The following CYP2C19 variants were observed in gnomAD, a reference collection of about 807,000 sequenced individuals.
CYP2C19 encodes the protein cytochrome P450 2C19.
CYP2C19 carries 59 observed loss-of-function variants against 40.9 expected under a neutral mutation model. The observed-to-expected ratio is 1.44, with a 90% CI of 1.17 to 1.79. The LOEUF (loss-of-function observed/expected upper bound fraction) is 1.79, where lower values mean the gene tolerates loss of function less well. Ranked by LOEUF, CYP2C19 falls within the 40% of genes most tolerant of loss-of-function variation. The probability of loss-of-function intolerance (pLI) is 0.00; values close to 1 mark genes in which losing one functional copy is unlikely to be tolerated. For missense variants in CYP2C19, 754 were observed against 596.9 expected, an observed-to-expected ratio of 1.26 and a Z score of -2.74; for synonymous variants, 253 against 208.7, an observed-to-expected ratio of 1.21 and a Z score of -1.83.
intron 5 of CYP2C19, among the ~76,000 whole-genome samples, chr10:94,812,664 T>C (rs1182592843): frequency 6.6e-6 from 1 of 152,172 alleles, no homozygotes; most frequent in African/African-American, 2.4e-5. Context: ...GCTTTATCAA[T>C]TTGGCTATTG....
chr10:94,842,752 C>T, intron 6 of CYP2C19, 85 bp from the exon 7 acceptor site: 1 of 1,393,784 alleles, frequency 7.2e-7, no homozygotes, highest in Non-Finnish European at 1.0e-6. Flanking sequence ...TGGATACCTT[C>T]ATCATGATTC....
At chr10:94,765,854 T>C (rs1189372270) in intron 1 of CYP2C19, among the ~76,000 whole-genome samples, 1 of 152,056 alleles carries the variant, frequency 6.6e-6, no homozygotes, top group Non-Finnish European at 1.5e-5. Flanking sequence ...ATTACACTGA[T>C]GGGGTAGTAG....
intron 1 of CYP2C19, among the ~76,000 whole-genome samples, chr10:94,772,115 C>T (rs559376463): frequency 6.6e-6 from 1 of 152,108 alleles, no homozygotes; most frequent in Non-Finnish European, 1.5e-5. Flanking sequence ...GAGGGCCATA[C>T]CCTGAGGGAG....
At chr10:94,763,292 T>C (rs1200531979) in intron 1 of CYP2C19, among the ~76,000 whole-genome samples, 1 of 152,118 alleles carries the variant, frequency 6.6e-6, no homozygotes, top group Non-Finnish European at 1.5e-5. Flanking sequence ...GAAGAAATAA[T>C]TTATGCCTGT....
intron 1 of CYP2C19, among the ~76,000 whole-genome samples, chr10:94,773,309 A>G (rs1327132885): frequency 6.6e-6 from 1 of 152,190 alleles, no homozygotes; most frequent in Non-Finnish European, 1.5e-5. Context: ...TGAGTGTTAC[A>G]GTTCTTAAAG....
In CYP2C19 at chr10:94,780,498, G is replaced by T. The variant is rs1194178489; in HGVS notation, c.482-1G>T. 1.2e-6 allele frequency: 2 copies of T among 1,612,864 alleles called. No individual in the cohort carries two copies. Among genetic ancestry groups the T allele is most frequent in the African/African-American group, 1.3e-5 (1 of 74,852 alleles). On this transcript the variant is annotated splice_acceptor_variant, in intron 3 of 8. Coordinates refer to ENST00000371321, the MANE Select transcript of CYP2C19 (RefSeq NM_000769.4). LOFTEE classifies it high-confidence loss of function. ...TTTTAAAATTGTTTCCAATCATTTAGCTTCACCCTGTGATCCCACTTTCAT... is the reference window on the plus strand; with the variant it reads ...TTTTAAAATTGTTTCCAATCATTTATCTTCACCCTGTGATCCCACTTTCAT...
At chr10:94,815,591 C>T (rs1031682449) in intron 5 of CYP2C19, among the ~76,000 whole-genome samples, 1 of 152,220 alleles carries the variant, frequency 6.6e-6, no homozygotes, top group South Asian at 2.1e-4. Context: ...CCCTTACTCT[C>T]TCTTTTATTC....
At chr10:94,811,357 G>A (rs546963442) in intron 5 of CYP2C19, among the ~76,000 whole-genome samples, 9 of 152,244 alleles carry the variant, frequency 5.9e-5, no homozygotes, top group African/African-American at 2.2e-4. Context: ...TGTATATTCT[G>A]TTGATTTAGG....
intron 6 of CYP2C19, among the ~76,000 whole-genome samples, chr10:94,839,114 A>G (rs1043944483): frequency 1.3e-5 from 2 of 152,168 alleles, no homozygotes; most frequent in Non-Finnish European, 2.9e-5. Context: ...TATGGTCCTA[A>G]TGCTTATTCC....
rs576925695 is a variant in CYP2C19, at chr10:94,827,271, G to A, written c.961+6634G>A. Among the ~76,000 whole-genome samples the A allele has an allele frequency of 1.6e-3, 241 of 152,070 alleles. 1 individual carries two copies. Among genetic ancestry groups the A allele is most frequent in the Non-Finnish European group, 2.7e-3 (187 of 68,018 alleles). On this transcript the variant is annotated intron_variant, in intron 6 of 8. Coordinates refer to ENST00000371321, the MANE Select transcript of CYP2C19 (RefSeq NM_000769.4). The stretch of plus-strand genomic sequence containing the variant: ...CCTCCTTGTACCTCTGGTAGAATTC[G>A]GCTGTGAATCCGTCTGGTCCTGGAC...
intron 5 of CYP2C19, among the ~76,000 whole-genome samples, chr10:94,792,789 T>C (rs1039593134): frequency 1.3e-5 from 2 of 152,186 alleles, no homozygotes; most frequent in African/African-American, 4.8e-5. Flanking sequence ...CCTAAATATT[T>C]ATTCCTTCAT....
intron 1 of CYP2C19, chr10:94,774,577 TGATG>T: frequency 1.2e-5 from 2 of 171,564 alleles, no homozygotes; most frequent in Admixed American, 5.5e-5. Flanking sequence ...ATAAATGCTA[TGATG>T]CATGCTAATC....
chr10:94,854,298 C>T lies in CYP2C19; in HGVS notation c.*1384C>T, dbSNP rs1849700848. Reference sequence around the variant, plus strand: ...CCTCCCAAACTGCTGGGCTTACAGGCGTGAGCCACTGCACCTGGCTGAACA... The same window carrying T: ...CCTCCCAAACTGCTGGGCTTACAGGTGTGAGCCACTGCACCTGGCTGAACA... On this transcript the variant is annotated 3_prime_UTR_variant, in exon 9 of 9. Transcript: ENST00000371321. Among the ~76,000 whole-genome samples, 1 of 152,080 alleles carries T rather than the reference C, an allele frequency of 6.6e-6. No individual in the cohort carries two copies. Among genetic ancestry groups the T allele is most frequent in the Non-Finnish European group, 1.5e-5 (1 of 68,018 alleles).
At chr10:94,768,496 C>G (rs370416512) in intron 1 of CYP2C19, among the ~76,000 whole-genome samples, 1 of 152,098 alleles carries the variant, frequency 6.6e-6, no homozygotes, top group Admixed American at 6.5e-5. Context: ...GGGGCTATGC[C>G]TGTATGTATT....
rs1217226836 is a variant in CYP2C19, at chr10:94,853,214, C to A, written c.*300C>A. The A allele has an allele frequency of 1.0e-5, 4 of 384,046 alleles. No homozygotes were observed. Among genetic ancestry groups the A allele is most frequent in the South Asian group, 8.5e-5 (3 of 35,348 alleles). The allele number at this position is 384,046 out of a possible 1,614,324, so 23.8% of individuals were successfully genotyped here. A position where few individuals can be genotyped will look rare whatever the true frequency, so the allele number is the denominator to read the frequency against. On this transcript the variant is annotated 3_prime_UTR_variant, in exon 9 of 9. Transcript: ENST00000371321. ...TGATTTGTGTATTATAATTCAAAGG[C>A]ATTTCTTCTCTGCATGTTCTAAACA... is the stretch of plus-strand genomic sequence containing the variant.
intron 6 of CYP2C19, among the ~76,000 whole-genome samples, chr10:94,822,573 G>T (rs186409904): frequency 7.9e-5 from 12 of 152,046 alleles, no homozygotes; most frequent in East Asian, 3.9e-4. Flanking sequence ...GAATTTTTTT[G>T]GGGGGGCATA....
At chr10:94,831,015 C>A (rs1204894454) in intron 6 of CYP2C19, among the ~76,000 whole-genome samples, 1 of 152,156 alleles carries the variant, frequency 6.6e-6, no homozygotes, top group Non-Finnish European at 1.5e-5. Flanking sequence ...CCCTACTTCC[C>A]TTCTCACCCC....
At chr10:94,819,189 A>C (rs1849069555) in intron 5 of CYP2C19, among the ~76,000 whole-genome samples, 1 of 144,442 alleles carries the variant, frequency 6.9e-6, no homozygotes, top group Admixed American at 7.1e-5. Context: ...CTTTGAAACC[A>C]ACGAGAACAA....
At chr10:94,838,446 C>G (rs1849438371) in intron 6 of CYP2C19, among the ~76,000 whole-genome samples, 1 of 152,176 alleles carries the variant, frequency 6.6e-6, no homozygotes, top group Admixed American at 6.5e-5. Flanking sequence ...TATAAAACAT[C>G]AATATAGCCA....
Sources: allele counts gnomAD v4.1 joint callset (sites outside exome capture counted in the v4.1 genomes callset), GRCh38; gene constraint gnomAD v4.1.1; transcripts MANE v1.5; gene names NCBI Gene and HGNC (gene_info 2026-07-23, HGNC 2026-07-21).